The following ASIC2 variants were observed in gnomAD, a reference collection of about 807,000 sequenced individuals.
ASIC2 encodes the protein acid sensing ion channel subunit 2.
ASIC2 carries 25 observed loss-of-function variants against 57.3 expected under a neutral mutation model. That is an observed-to-expected ratio of 0.44 (90% CI 0.32 to 0.61). The LOEUF is 0.61. Among genes scored for constraint, ASIC2 ranks in the 20% least tolerant of loss-of-function variants. The pLI, the probability that ASIC2 is intolerant of heterozygous loss-of-function variation, is 0.06. For missense variants in ASIC2, 641 were observed against 738.1 expected, an observed-to-expected ratio of 0.87 and a Z score of 1.52; for synonymous variants, 319 against 307.5, an observed-to-expected ratio of 1.04 and a Z score of -0.39.
rs531960749 is a variant in ASIC2 at position 33,308,494 on chromosome 17, A to G, written c.556-196427T>C. ...TCAATCCCTGCTGTACTGTCTTACT[A>G]TCCTCTCCTCATCTTGCCTAAGACC... On this transcript the variant is annotated intron_variant, in intron 1 of 9. Coordinates refer to the ASIC2 transcript ENST00000359872. Among the ~76,000 whole-genome samples, 6 of 152,308 alleles carry G rather than the reference A, an allele frequency of 3.9e-5. No homozygotes were observed. The South Asian group carries it at 1.0e-3, about 26-fold the overall frequency.
chr17:33,138,091 C>T (rs2092373198), intron 1 of ASIC2, among the ~76,000 whole-genome samples: 1 of 152,108 alleles, frequency 6.6e-6, no homozygotes, highest in Non-Finnish European at 1.5e-5. Flanking sequence ...GACAGAGGGT[C>T]CTGGGAGGTG....
intron 1 of ASIC2, among the ~76,000 whole-genome samples, chr17:33,158,015 G>C (rs1905057131): frequency 6.6e-6 from 1 of 152,144 alleles, no homozygotes; most frequent in East Asian, 1.9e-4. Flanking sequence ...ATGGCTTTCT[G>C]CTCTCCCATC....
chr17:34,099,521 AAAG>A (rs1910739190), intron 1 of ASIC2, among the ~76,000 whole-genome samples: 1 of 143,158 alleles, frequency 7.0e-6, no homozygotes, highest in Admixed American at 6.8e-5. Context: ...AGAGAAAGAA[AAAG>A]AAAGAAAGAA....
At chr17:34,062,404 A>G (rs896108045) in intron 1 of ASIC2, among the ~76,000 whole-genome samples, 1 of 152,162 alleles carries the variant, frequency 6.6e-6, no homozygotes, top group Non-Finnish European at 1.5e-5. Context: ...ATAGCCCTAA[A>G]TGCCTACATC....
intron 1 of ASIC2, among the ~76,000 whole-genome samples, chr17:34,044,126 G>GCACA (rs1479975393): frequency 1.9e-4 from 10 of 51,730 alleles, no homozygotes; most frequent in African/African-American, 1.4e-3. Flanking sequence ...ACACACACAC[G>GCACA]CACGCACACA....
chr17:33,497,437 C>G (rs1913971692), intron 1 of ASIC2, among the ~76,000 whole-genome samples: 1 of 151,848 alleles, frequency 6.6e-6, no homozygotes, highest in African/African-American at 2.4e-5. Context: ...TTCATTTTTA[C>G]AAGAATAGGT....
chr17:33,049,180 C>T (rs1475611112), intron 3 of ASIC2, among the ~76,000 whole-genome samples: 1 of 152,222 alleles, frequency 6.6e-6, no homozygotes, highest in Non-Finnish European at 1.5e-5. Flanking sequence ...GCTGTTCAGA[C>T]TGAATGGAAT....
At chr17:33,847,159 C>G (rs1347284483) in intron 1 of ASIC2, among the ~76,000 whole-genome samples, 1 of 151,426 alleles carries the variant, frequency 6.6e-6, no homozygotes, top group Non-Finnish European at 1.5e-5. Context: ...TGGGAGGCAT[C>G]TAGTAGGGCA....
intron 7 of ASIC2, among the ~76,000 whole-genome samples, chr17:33,020,098 G>A (rs2091829028): frequency 6.6e-6 from 1 of 152,094 alleles, no homozygotes; most frequent in African/African-American, 2.4e-5. Context: ...AACCCAGCTG[G>A]GACCGAGCTA....
At chr17:33,524,453 A>G (rs1239382125) in intron 1 of ASIC2, among the ~76,000 whole-genome samples, 2 of 152,198 alleles carry the variant, frequency 1.3e-5, no homozygotes, top group Non-Finnish European at 2.9e-5. Context: ...TTCTCCCCAT[A>G]CAGGTATGAT....
intron 1 of ASIC2, among the ~76,000 whole-genome samples, chr17:33,341,223 G>A (rs544356885): frequency 3.3e-5 from 5 of 152,204 alleles, no homozygotes; most frequent in African/African-American, 4.8e-5. Flanking sequence ...TGATTTGGTC[G>A]GTCAAGGCTG....
intron 1 of ASIC2, among the ~76,000 whole-genome samples, chr17:33,915,441 C>G (rs1305885195): frequency 6.6e-6 from 1 of 152,232 alleles, no homozygotes; most frequent in South Asian, 2.1e-4. Flanking sequence ...ATCTCTCTCA[C>G]CTTCAATGTC....
intron 1 of ASIC2, among the ~76,000 whole-genome samples, chr17:33,355,786 C>T (rs1908351541): frequency 6.6e-6 from 1 of 152,164 alleles, no homozygotes; most frequent in African/African-American, 2.4e-5. Flanking sequence ...ATTCTTTCAA[C>T]ATTTTTTGCA....
At chr17:33,595,856 G>A (rs2142007294) in intron 1 of ASIC2, among the ~76,000 whole-genome samples, 1 of 152,314 alleles carries the variant, frequency 6.6e-6, no homozygotes, top group East Asian at 1.9e-4. Flanking sequence ...TCCCATGAGA[G>A]GCTGGGCCCA....
At chr17:33,110,399 G>C (rs772966437) in intron 2 of ASIC2, among the ~76,000 whole-genome samples, 1 of 152,056 alleles carries the variant, frequency 6.6e-6, no homozygotes, top group African/African-American at 2.4e-5. Context: ...ACAAACCTTC[G>C]TCCCTCTGCA....
At chr17:33,668,130 T>A (rs1443913538) in intron 1 of ASIC2, among the ~76,000 whole-genome samples, 1 of 152,188 alleles carries the variant, frequency 6.6e-6, no homozygotes, top group Admixed American at 6.5e-5. Flanking sequence ...CTCCACCCTG[T>A]GCCTGCCCAC....
At chr17:33,283,830 G>A (rs1192959608) in intron 1 of ASIC2, among the ~76,000 whole-genome samples, 1 of 152,140 alleles carries the variant, frequency 6.6e-6, no homozygotes, top group African/African-American at 2.4e-5. Context: ...AATAAATTAA[G>A]CTTCTGCTGA....
chr17:33,845,625 T>C (rs1163914880), intron 1 of ASIC2, among the ~76,000 whole-genome samples: 6 of 152,214 alleles, frequency 3.9e-5, no homozygotes, highest in Admixed American at 3.9e-4. Flanking sequence ...CCTGCTGAGA[T>C]GATGGAATAA....
intron 1 of ASIC2, among the ~76,000 whole-genome samples, chr17:34,076,355 G>A (rs1909653069): frequency 6.6e-6 from 1 of 151,872 alleles, no homozygotes; most frequent in Non-Finnish European, 1.5e-5. Context: ...GGCCTAGTGT[G>A]CCCACCCCAT....
Sources: gnomAD v4.1 joint callset for allele counts (sites outside exome capture counted in the v4.1 genomes callset) on GRCh38, gnomAD v4.1.1 for gene constraint, MANE v1.5 for transcripts, NCBI Gene and HGNC (gene_info 2026-07-23, HGNC 2026-07-21) for gene names.